UCK2: variants seen among roughly 807,000 people sequenced by gnomAD.
UCK2 encodes the protein cytidine monophosphokinase 2.
In UCK2, 6 loss-of-function variants were observed where a neutral mutation model predicts 30.8. The observed-to-expected ratio is 0.19, with a 90% confidence interval of 0.11 to 0.38. The LOEUF (loss-of-function observed/expected upper bound fraction) is 0.38, where lower values mean the gene tolerates loss of function less well. Ranked by LOEUF, UCK2 falls within the 10% of genes least tolerant of loss-of-function variation. The pLI is 1.00. For missense variants in UCK2, 210 were observed against 339.8 expected, an observed-to-expected ratio of 0.62 and a Z score of 3.00; for synonymous variants, 125 against 133.6, an observed-to-expected ratio of 0.94 and a Z score of 0.45.
chr1:165,854,883 T>C (rs531699375), intron 1 of UCK2, among the ~76,000 whole-genome samples: 30 of 152,306 alleles, frequency 2.0e-4, no homozygotes, highest in Middle Eastern at 6.8e-3. Flanking sequence ...CCCCAACTCG[T>C]ACAGAACCCT....
At position 165,911,574 on chromosome 1, in the gene UCK2, C is replaced by A. The variant is rs553952885; in HGVS notation, c.*3751C>A. The A allele has an allele frequency of 6.6e-6, 1 of 152,176 alleles. No homozygotes were observed. Among genetic ancestry groups the A allele is most frequent in the Non-Finnish European group, 1.5e-5 (1 of 68,028 alleles). The allele number at this position is 152,176 out of a possible 1,614,324, so 9.4% of individuals were successfully genotyped here. ...TTTATTGTTAGTGGTTACAAAGTGA[C>A]CACATATTATGTACTTTGCTGTAAA... On this transcript the variant is annotated 3_prime_UTR_variant, in exon 7 of 7. Coordinates refer to ENST00000367879, the MANE Select transcript of UCK2 (RefSeq NM_012474.5).
intron 1 of UCK2, among the ~76,000 whole-genome samples, chr1:165,868,703 G>T (rs1470805513): frequency 6.6e-6 from 1 of 152,220 alleles, no homozygotes; most frequent in African/African-American, 2.4e-5. Context: ...TCAAGGGAAT[G>T]TTATGGCTGG....
In UCK2 at chr1:165,909,329, G is replaced by A. The variant is rs374616971; in HGVS notation, c.*1506G>A. 15 of 152,322 alleles carry A rather than the reference G, an allele frequency of 9.8e-5. No homozygotes were observed. Among genetic ancestry groups the A allele is most frequent in the African/African-American group, 3.6e-4 (15 of 41,570 alleles). The allele number at this position is 152,322 out of a possible 1,614,324, so 9.4% of individuals were successfully genotyped here. A position where few individuals can be genotyped will look rare whatever the true frequency, so the allele number is the denominator to read the frequency against. Reference sequence around the variant, plus strand: ...TCATTGTTGACCACCCTAGTGCTTGGTGGACTGTGCCCTTAGCTATCCCAC... The same window carrying A: ...TCATTGTTGACCACCCTAGTGCTTGATGGACTGTGCCCTTAGCTATCCCAC... On this transcript the variant is annotated 3_prime_UTR_variant, in exon 7 of 7. Transcript: ENST00000367879.
intron 1 of UCK2, among the ~76,000 whole-genome samples, chr1:165,860,826 CCG>C (rs1654877541): frequency 6.6e-6 from 1 of 152,062 alleles, no homozygotes; most frequent in Admixed American, 6.5e-5. Context: ...ATCCTTAGAG[CCG>C]TGGTGGTCAA....
chr1:165,903,114 C>G (rs1647535292), intron 4 of UCK2, 68 bp from the exon 5 acceptor site: 3 of 1,248,964 alleles, frequency 2.4e-6, no homozygotes, highest in Non-Finnish European at 3.4e-6. Flanking sequence ...CTAGGTCCAC[C>G]CCATGAAGGG....
rs551900457 is a variant in UCK2, at chr1:165,895,427, GA to G, written c.357-758del. 1.1e-4 allele frequency: 103 copies of G among 974,030 alleles called. No homozygotes were observed. The African/African-American group carries it at 1.7e-3, about 16-fold the overall frequency. The allele number at this position is 974,030 out of a possible 1,614,324, so 60.3% of individuals were successfully genotyped here. ...AGTGAGACCCTGTCTCCAAAAACAA[GA>G]AAAAGAAAGAAAAGTCATGTTTACA... is the stretch of plus-strand genomic sequence containing the variant. On this transcript the variant is annotated intron_variant, in intron 3 of 6. Coordinates refer to ENST00000367879, the MANE Select transcript of UCK2 (RefSeq NM_012474.5).
chr1:165,840,292 G>A (rs1654296756), intron 1 of UCK2, among the ~76,000 whole-genome samples: 1 of 152,224 alleles, frequency 6.6e-6, no homozygotes. Flanking sequence ...TATTTATGGT[G>A]TGCCCATTAA....
In UCK2 at chr1:165,869,373, A is replaced by G. The variant is rs1034636756; in HGVS notation, c.100-20831A>G. On this transcript the variant is annotated intron_variant, in intron 1 of 6. Coordinates refer to ENST00000367879, the MANE Select transcript of UCK2 (RefSeq NM_012474.5). Reference sequence around the variant, plus strand: ...TGTAAAAAAAACGTAGTATCTGTGAAGCACAATAAAATGAAGTATGCCTGT... The same window carrying G: ...TGTAAAAAAAACGTAGTATCTGTGAGGCACAATAAAATGAAGTATGCCTGT... 7.2e-5 allele frequency among the ~76,000 whole-genome samples: 11 copies of G among 152,276 alleles called. No individual in the cohort carries two copies. The East Asian group carries it at 2.1e-3, about 29-fold the overall frequency.
intron 1 of UCK2, among the ~76,000 whole-genome samples, chr1:165,829,872 T>G (rs916903373): frequency 6.6e-6 from 1 of 152,258 alleles, no homozygotes; most frequent in Non-Finnish European, 1.5e-5. Context: ...ATTTAATTTT[T>G]GAGACAAGGT....
At chr1:165,852,476 A>G (rs1353094670) in intron 1 of UCK2, among the ~76,000 whole-genome samples, 1 of 152,190 alleles carries the variant, frequency 6.6e-6, no homozygotes, top group Non-Finnish European at 1.5e-5. Context: ...GCTCAACAAC[A>G]CTGATCATCA....
intron 5 of UCK2, among the ~76,000 whole-genome samples, chr1:165,903,672 G>T (rs1271180048): frequency 6.6e-6 from 1 of 152,152 alleles, no homozygotes; most frequent in Non-Finnish European, 1.5e-5. Context: ...GATGCACTGG[G>T]TGCTGTGCCC....
chr1:165,872,160 C>T (rs933108015), intron 1 of UCK2, among the ~76,000 whole-genome samples: 1 of 152,106 alleles, frequency 6.6e-6, no homozygotes, highest in African/African-American at 2.4e-5. Flanking sequence ...CTGCAAACAC[C>T]ACCTTCCAGG....
At chr1:165,891,159 T>C (rs1655756291) in intron 2 of UCK2, 67 bp from the exon 3 acceptor site, 1 of 1,374,796 alleles carries the variant, frequency 7.3e-7, no homozygotes, top group Admixed American at 1.8e-5. Flanking sequence ...TGAGGATGCC[T>C]TGTGTATGAT....
chr1:165,884,879 T>C (rs898460331), intron 1 of UCK2, among the ~76,000 whole-genome samples: 4 of 152,184 alleles, frequency 2.6e-5, no homozygotes, highest in African/African-American at 9.7e-5. Flanking sequence ...AAATGGGAAG[T>C]CTCTGCTAAA....
intron 1 of UCK2, among the ~76,000 whole-genome samples, chr1:165,850,608 A>G (rs1654566529): frequency 8.5e-6 from 1 of 117,144 alleles, no homozygotes. Flanking sequence ...CATGCGACTA[A>G]TTTTTAAATT....
chr1:165,903,298 T>G lies in UCK2; in HGVS notation c.597+19T>G. The stretch of plus-strand genomic sequence containing the variant: ...CTTGCCAGTGAGTTGTGTTCTTGGT[T>G]TGTTTTTGTTGAATGTAGAATTTAA... On this transcript the variant is annotated intron_variant, in intron 5 of 6. Transcript: ENST00000367879. 6.2e-7 allele frequency: 1 copy of G among 1,605,952 alleles called. No homozygotes were observed. Among genetic ancestry groups the G allele is most frequent in the Non-Finnish European group, 8.5e-7 (1 of 1,174,686 alleles).
chr1:165,849,080 G>T (rs1654527309), intron 1 of UCK2, among the ~76,000 whole-genome samples: 2 of 152,108 alleles, frequency 1.3e-5, no homozygotes, highest in Admixed American at 1.3e-4. Flanking sequence ...AAAGTGAAAC[G>T]CCATTTCTTA....
At chr1:165,864,012 A>G (rs954944252) in intron 1 of UCK2, among the ~76,000 whole-genome samples, 3 of 151,966 alleles carry the variant, frequency 2.0e-5, no homozygotes, top group Admixed American at 6.6e-5. Context: ...TTGCTCTGCC[A>G]TCTTGGCTCA....
chr1:165,908,927 AGT>A lies in UCK2; in HGVS notation c.*1106_*1107del, dbSNP rs1481135314. 1 of 152,280 alleles carries A rather than the reference AGT, an allele frequency of 6.6e-6. No individual in the cohort carries two copies. Among genetic ancestry groups the A allele is most frequent in the Non-Finnish European group, 1.5e-5 (1 of 68,064 alleles). The allele number at this position is 152,280 out of a possible 1,614,324, so 9.4% of individuals were successfully genotyped here. On this transcript the variant is annotated 3_prime_UTR_variant, in exon 7 of 7. Transcript: ENST00000367879. The stretch of plus-strand genomic sequence containing the variant: ...TAGTTTCCGCTTCCTGGAGGTTTGC[AGT>A]GAGGTGAGGAGAGTAACTTTGGTCA...
Sources: gnomAD v4.1 joint callset for allele counts (sites outside exome capture counted in the v4.1 genomes callset) on GRCh38, gnomAD v4.1.1 for gene constraint, MANE v1.5 for transcripts, NCBI Gene and HGNC (gene_info 2026-07-23, HGNC 2026-07-21) for gene names.